Variants in ZNF891 observed in about 807,000 individuals in gnomAD.
ZNF891 encodes hCG1646157.
For missense variants in ZNF891, 589 were observed against 632.7 expected, an observed-to-expected ratio of 0.93 and a Z score of 0.74; for synonymous variants, 199 against 209.0, an observed-to-expected ratio of 0.95 and a Z score of 0.41.
Position 133,121,964 on chromosome 12 carries a change from G to GACT in ZNF891, c.-47_-46insAGT. The stretch of plus-strand genomic sequence containing the variant: ...CACAGTAGAGTAGAGAGATCAGGAT[G>GACT]TTTCTGTTCTTGTGTCTCCAATCCA... On this transcript the variant is annotated 5_prime_UTR_variant, in exon 2 of 2. Transcript: ENST00000537226. The GACT allele has an allele frequency of 6.8e-7, 1 of 1,460,832 alleles. No individual in the cohort carries two copies. 90.5% of individuals were successfully genotyped at this position (1,460,832 alleles called of 1,614,324 possible).
chr12:133,122,086 G>A (rs1955769094), intron 1 of ZNF891, 62 bp from the exon 2 acceptor site: 8 of 1,393,342 alleles, frequency 5.7e-6, no homozygotes, highest in South Asian at 3.5e-5. Context: ...CCCACTTGGG[G>A]AAAGGTGAAT....
intron 1 of ZNF891, chr12:133,125,982 G>A: frequency 2.6e-6 from 1 of 389,340 alleles, no homozygotes; most frequent in Non-Finnish European, 5.0e-6. Context: ...TTCTAAATAT[G>A]TACATCTTCT....
In ZNF891 at chr12:133,108,152, G is replaced by A. The variant is rs568586110; in HGVS notation, c.*12132C>T. 9 of 151,956 alleles carry A rather than the reference G, an allele frequency of 5.9e-5. No homozygotes were observed. The highest frequency in any genetic ancestry group is 1.2e-4 in the Non-Finnish European group (8 of 67,994). 9.4% of individuals were successfully genotyped at this position (151,956 alleles called of 1,614,324 possible). On this transcript the variant is annotated 3_prime_UTR_variant, in exon 2 of 2. Transcript: ENST00000537226. ...CTTACAATAGTGTACAGTCTGACTCGAATACAAGCAGCATGCCTTACTACG... is the reference window on the plus strand; with the variant it reads ...CTTACAATAGTGTACAGTCTGACTCAAATACAAGCAGCATGCCTTACTACG...
Position 133,120,691 on chromosome 12 carries a change from C to T in ZNF891, c.1228G>A (p.Gly410Arg). The change falls in exon 2 of 2, where the codon GGA becomes AGA. Residue 410 changes from glycine (G) to arginine (R), a missense_variant. Coordinates refer to ENST00000537226, the MANE Select transcript of ZNF891 (RefSeq NM_001277291.2). Reference sequence around the variant, plus strand: ...TAAGAGCTTGTGCCAAAGGATTTTCCACACTGATTACATTCATAAGGTTTC... The same window carrying T: ...TAAGAGCTTGTGCCAAAGGATTTTCTACACTGATTACATTCATAAGGTTTC... ...GEKPYECNQC[G>R]KSFGTSSYLI... 1 of 1,562,010 alleles carries T rather than the reference C, an allele frequency of 6.4e-7. No homozygotes were observed. The highest frequency in any genetic ancestry group is 8.7e-7 in the Non-Finnish European group (1 of 1,154,208).
At position 133,105,322 on chromosome 12, in the gene ZNF891, A is replaced by G. The variant is rs1196304943; in HGVS notation, c.*14962T>C. 6.6e-6 allele frequency among the ~76,000 whole-genome samples: 1 copy of G among 152,070 alleles called. No homozygotes were observed. The highest frequency in any genetic ancestry group is 6.5e-5 in the Admixed American group (1 of 15,274). Reference sequence around the variant, plus strand: ...GTTTACACTTTCTCTTTATTTACCTATATGTCTATCTCTGTTTGATCTTTT... The same window carrying G: ...GTTTACACTTTCTCTTTATTTACCTGTATGTCTATCTCTGTTTGATCTTTT... On this transcript the variant is annotated 3_prime_UTR_variant, in exon 2 of 2. Coordinates refer to ENST00000537226, the MANE Select transcript of ZNF891 (RefSeq NM_001277291.2).
rs1342290726 is a variant in ZNF891 at position 133,121,555 on chromosome 12, T to C, written c.364A>G (p.Lys122Glu). 6.5e-7 allele frequency: 1 copy of C among 1,536,544 alleles called. No homozygotes were observed. Among genetic ancestry groups the C allele is most frequent in the Non-Finnish European group, 8.7e-7 (1 of 1,146,992 alleles). ...CPDQKIQPKT[K>E]ESTVQKILWE... The stretch of plus-strand genomic sequence containing the variant: ...AAAATTTTCTGCACAGTTGATTCTT[T>C]GGTTTTAGGTTGAATCTTCTGGTCT... The change falls in exon 2 of 2, where the codon AAA (lysine) becomes GAA (glutamate). Residue 122 changes from lysine to glutamate, a missense_variant. Lys to Glu is a moderately conservative substitution (Grantham distance 56). Coordinates refer to ENST00000537226, the MANE Select transcript of ZNF891 (RefSeq NM_001277291.2).
chr12:133,124,804 T>C (rs1223811788), intron 1 of ZNF891, among the ~76,000 whole-genome samples: 2 of 149,270 alleles, frequency 1.3e-5, no homozygotes, highest in Non-Finnish European at 3.0e-5. Flanking sequence ...GTTGTTGTTT[T>C]ATATGGGTGT....
chr12:133,117,896 T>A lies in ZNF891; in HGVS notation c.*2388A>T, dbSNP rs1393859901. 1.3e-5 allele frequency: 2 copies of A among 152,050 alleles called. No homozygotes were observed. The highest frequency in any genetic ancestry group is 2.9e-5 in the Non-Finnish European group (2 of 68,010). The allele number at this position is 152,050 out of a possible 1,614,324, so 9.4% of individuals were successfully genotyped here. A position where few individuals can be genotyped will look rare whatever the true frequency, so the allele number is the denominator to read the frequency against. The stretch of plus-strand genomic sequence containing the variant: ...CTGTATATGTTTACCTTTTTAGACT[T>A]CATCTAATTGGATCCCTAAGTAACA... On this transcript the variant is annotated 3_prime_UTR_variant, in exon 2 of 2. Transcript: ENST00000537226.
chr12:133,106,312 T>TA lies in ZNF891; in HGVS notation c.*13971dup. The TA allele has an allele frequency of 6.2e-7, 1 of 1,614,184 alleles. No individual in the cohort carries two copies. Among genetic ancestry groups the TA allele is most frequent in the African/African-American group, 1.3e-5 (1 of 75,040 alleles). ...CTTTCCGTTGTCACTCATTCCTTAT[T>TA]AAACATCAGAGAATTCATGCTGGAG... On this transcript the variant is annotated 3_prime_UTR_variant, in exon 2 of 2. Transcript: ENST00000537226.
In ZNF891 at chr12:133,106,201, G is replaced by A. The variant is rs1955586878; in HGVS notation, c.*14083C>T. 2 of 1,613,954 alleles carry A rather than the reference G, an allele frequency of 1.2e-6. No individual in the cohort carries two copies. The highest frequency in any genetic ancestry group is 1.7e-5 in the Admixed American group (1 of 59,998). Reference sequence around the variant, plus strand: ...CTTATGAATGCATTGAATGTGGGAAGGCATTTCGCCGTTTCTCACACCTTA... The same window carrying A: ...CTTATGAATGCATTGAATGTGGGAAAGCATTTCGCCGTTTCTCACACCTTA... On this transcript the variant is annotated 3_prime_UTR_variant, in exon 2 of 2. Coordinates refer to ENST00000537226, the MANE Select transcript of ZNF891 (RefSeq NM_001277291.2).
In ZNF891 at chr12:133,121,873, C is replaced by T. The variant is rs191955324; in HGVS notation, c.46G>A (p.Asp16Asn). The T allele has an allele frequency of 1.3e-4, 207 of 1,536,316 alleles. No individual in the cohort carries two copies. Among genetic ancestry groups the T allele is most frequent in the Non-Finnish European group, 1.7e-4 (197 of 1,146,928 alleles). The change falls in exon 2 of 2, where the codon GAC becomes AAC. Residue 16 changes from aspartate to asparagine, a missense_variant. Coordinates refer to ENST00000537226, the MANE Select transcript of ZNF891 (RefSeq NM_001277291.2). The part of the protein sequence containing the change: ...LSSPWALTKQ[D>N]SACFHLRNAE... The stretch of plus-strand genomic sequence containing the variant: ...TTTCTCAGATGGAAACAGGCAGAGT[C>T]CTGTTTAGTTAAAGCCCATGGGGAG...
rs1955665873 is a variant in ZNF891, at chr12:133,109,578, G to C, written c.*10706C>G. ...AAACTATTGCAGTGGGGGACGGGGG[G>C]CTCATATGTACACTGTGAAAAACTG... On this transcript the variant is annotated 3_prime_UTR_variant, in exon 2 of 2. Coordinates refer to ENST00000537226, the MANE Select transcript of ZNF891 (RefSeq NM_001277291.2). 1 of 152,194 alleles carries C rather than the reference G, an allele frequency of 6.6e-6. No homozygotes were observed. The highest frequency in any genetic ancestry group is 1.5e-5 in the Non-Finnish European group (1 of 68,070). The allele number at this position is 152,194 out of a possible 1,614,324, so 9.4% of individuals were successfully genotyped here.
intron 1 of ZNF891, among the ~76,000 whole-genome samples, chr12:133,129,502 CAAAAAA>C (rs35653414): frequency 3.2e-5 from 3 of 92,766 alleles, no homozygotes; most frequent in Non-Finnish European, 2.2e-5. Context: ...AACTCTGTCT[CAAAAAA>C]AAAAAAAAAA....
intron 1 of ZNF891, among the ~76,000 whole-genome samples, chr12:133,127,749 G>A (rs1955831107): frequency 1.3e-5 from 2 of 152,198 alleles, no homozygotes; most frequent in Non-Finnish European, 1.5e-5. Context: ...ATGCCAGCGT[G>A]CTGCATGCCT....
Position 133,105,603 on chromosome 12 carries a change from G to A in ZNF891, c.*14681C>T. 6.2e-7 allele frequency: 1 copy of A among 1,614,100 alleles called. No homozygotes were observed. The highest frequency in any genetic ancestry group is 8.5e-7 in the Non-Finnish European group (1 of 1,180,020). ...TATTTGATCATGGAAAGAATTCTAAGTCAAGGCCCTGTGTATTCCAGTTTT... is the reference window on the plus strand; with the variant it reads ...TATTTGATCATGGAAAGAATTCTAAATCAAGGCCCTGTGTATTCCAGTTTT... On this transcript the variant is annotated 3_prime_UTR_variant, in exon 2 of 2. Coordinates refer to ENST00000537226, the MANE Select transcript of ZNF891 (RefSeq NM_001277291.2).
rs1955539279 is a variant in ZNF891, at chr12:133,105,082, A to G, written c.*15202T>C. On this transcript the variant is annotated 3_prime_UTR_variant, in exon 2 of 2. Transcript: ENST00000537226. The stretch of plus-strand genomic sequence containing the variant: ...AACCGCTTTTTTTTTCATTTAGATT[A>G]TTATAAGATGTTCCAGAGGCACTAA... Among the ~76,000 whole-genome samples the G allele has an allele frequency of 6.6e-6, 1 of 152,194 alleles. No individual in the cohort carries two copies.
chr12:133,109,740 T>C lies in ZNF891; in HGVS notation c.*10544A>G, dbSNP rs1270602767. ...GGCAGTATGAAATGATCTTAGAAAC[T>C]TGGAAATGCAGAAATAAATAACACT... On this transcript the variant is annotated 3_prime_UTR_variant, in exon 2 of 2. Transcript: ENST00000537226. 6.6e-6 allele frequency: 1 copy of C among 152,018 alleles called. No homozygotes were observed. Among genetic ancestry groups the C allele is most frequent in the Non-Finnish European group, 1.5e-5 (1 of 68,020 alleles). 9.4% of individuals were successfully genotyped at this position (152,018 alleles called of 1,614,324 possible).
chr12:133,115,640 T>C lies in ZNF891; in HGVS notation c.*4644A>G, dbSNP rs1185274319. ...TGTTTTGTTTTGTTTTGTTTTTTAA[T>C]AGGATACCATGGCAGCTGCATAGAA... On this transcript the variant is annotated 3_prime_UTR_variant, in exon 2 of 2. Coordinates refer to ENST00000537226, the MANE Select transcript of ZNF891 (RefSeq NM_001277291.2). The C allele has an allele frequency of 6.6e-6, 1 of 152,088 alleles. No individual in the cohort carries two copies. The highest frequency in any genetic ancestry group is 1.5e-5 in the Non-Finnish European group (1 of 68,014). 9.4% of individuals were successfully genotyped at this position (152,088 alleles called of 1,614,324 possible).
rs201094196 is a variant in ZNF891 at position 133,105,296 on chromosome 12, C to T, written c.*14988G>A. Among the ~76,000 whole-genome samples, 1,824 of 152,260 alleles carry T rather than the reference C, an allele frequency of 0.012. 24 individuals are homozygous for T. Among genetic ancestry groups the T allele is most frequent in the Non-Finnish European group, 0.018 (1,252 of 68,006 alleles). On this transcript the variant is annotated 3_prime_UTR_variant, in exon 2 of 2. Coordinates refer to ENST00000537226, the MANE Select transcript of ZNF891 (RefSeq NM_001277291.2). ...TTTTCCCTGCTCTTTCAATTACTTA[C>T]GTTTACACTTTCTCTTTATTTACCT... is the stretch of plus-strand genomic sequence containing the variant.
Sources: gnomAD v4.1 joint callset for allele counts (sites outside exome capture counted in the v4.1 genomes callset) on GRCh38, gnomAD v4.1.1 for gene constraint, MANE v1.5 for transcripts, NCBI Gene and HGNC (gene_info 2026-07-23, HGNC 2026-07-21) for gene names.